Variants in MROH7 observed in about 807,000 individuals in gnomAD.
MROH7 encodes maestro heat like repeat family member 7, also known as maestro heat-like repeat-containing protein family member 7.
Under a neutral mutation model 129.2 loss-of-function variants are expected in MROH7, and 113 were observed. That is an observed-to-expected ratio of 0.87 (90% CI 0.75 to 1.02). The LOEUF (loss-of-function observed/expected upper bound fraction) is 1.02, where lower values mean the gene tolerates loss of function less well. Ranked by LOEUF, MROH7 falls within the 50% of genes least tolerant of loss-of-function variation. The pLI is 0.00. For missense variants in MROH7, 1,601 were observed against 1,671.3 expected (o/e 0.96, Z 0.73); for synonymous variants, 655 against 667.9 (o/e 0.98, Z 0.30).
rs147178197 is a variant in MROH7 at position 54,654,172 on chromosome 1, G to A, written c.1231+15G>A. The A allele has an allele frequency of 6.7e-4, 1,062 of 1,585,176 alleles. 9 individuals are homozygous for A. In the African/African-American group the frequency reaches 0.013, roughly 20 times the overall value. On this transcript the variant is annotated intron_variant, in intron 3 of 23. Coordinates refer to ENST00000421030, the MANE Select transcript of MROH7 (RefSeq NM_001039464.4). ...CATCCCTGAGGGTAAGGCCAGGGCC[G>A]CAGCCCTAGAGAGAGCACTGTCCTG... is the stretch of plus-strand genomic sequence containing the variant.
intron 3 of MROH7, chr1:54,663,943 A>C (rs974431168): frequency 1.5e-5 from 5 of 323,798 alleles, no homozygotes; most frequent in Non-Finnish European, 3.0e-5. Flanking sequence ...CGAGAATCTG[A>C]AGTTCCAGGT....
intron 1 of MROH7, among the ~76,000 whole-genome samples, chr1:54,649,671 T>G (rs1278325897): frequency 2.6e-5 from 4 of 152,252 alleles, no homozygotes; most frequent in Non-Finnish European, 5.9e-5. Flanking sequence ...TCTTAATCAC[T>G]GCCTCGTAGG....
intron 17 of MROH7, among the ~76,000 whole-genome samples, chr1:54,696,280 C>T (rs1645320394): frequency 6.6e-6 from 1 of 152,026 alleles, no homozygotes; most frequent in Non-Finnish European, 1.5e-5. Context: ...GGCTCTAAAA[C>T]CCTCCCCTTT....
In MROH7 at chr1:54,670,789, C is replaced by T; in HGVS notation, c.1470-11C>T. 1 of 1,613,272 alleles carries T rather than the reference C, an allele frequency of 6.2e-7. No individual in the cohort carries two copies. The highest frequency in any genetic ancestry group is 8.5e-7 in the Non-Finnish European group (1 of 1,179,670). Reference sequence around the variant, plus strand: ...CTCACTCCATTTCTTTGCTTTCTGCCTCTTCTCCAGCCACACCCAGCCCAC... The same window carrying T: ...CTCACTCCATTTCTTTGCTTTCTGCTTCTTCTCCAGCCACACCCAGCCCAC... On this transcript the variant is annotated splice_polypyrimidine_tract_variant and intron_variant, in intron 6 of 23. Transcript: ENST00000421030.
intron 1 of MROH7, among the ~76,000 whole-genome samples, chr1:54,644,348 C>T (rs1162253226): frequency 6.6e-6 from 1 of 150,574 alleles, no homozygotes; most frequent in African/African-American, 2.4e-5. Context: ...CCTTCCCTTC[C>T]CTTCCCTTTC....
intron 17 of MROH7, chr1:54,699,106 C>CTTTCTTTCTTTCTTTCTTTCTTTCTT: frequency 1.6e-5 from 1 of 62,130 alleles, no homozygotes; most frequent in South Asian, 6.4e-4. Flanking sequence ...TTCTTTCTTT[C>CTTTCTTTCTTTCTTTCTTTCTTTCTT]TTTCTTTCTT....
At chr1:54,648,435 G>T (rs1192780300) in intron 1 of MROH7, among the ~76,000 whole-genome samples, 3 of 151,420 alleles carry the variant, frequency 2.0e-5, no homozygotes, top group African/African-American at 2.4e-5. Flanking sequence ...GCGCAATCTC[G>T]GCTCACTGCA....
chr1:54,709,961 G>T lies in MROH7; in HGVS notation c.3746G>T (p.Arg1249Ile), dbSNP rs1645597030. The T allele has an allele frequency of 5.6e-6, 9 of 1,612,932 alleles. No homozygotes were observed. Among genetic ancestry groups the T allele is most frequent in the Non-Finnish European group, 7.6e-6 (9 of 1,179,122 alleles). ...NEVKAALDNL[R>I]HDPEASVCIY... ...CATGACGCAGCTCTGGATAACTTGA[G>T]ACATGACCCAGAAGCATCAGTGTGC... Residue 1249 changes from arginine (R) to isoleucine (I), a missense_variant, in exon 24 of 24, where the codon AGA becomes ATA. Physicochemically the swap from Arg to Ile is moderately conservative, Grantham distance 97 (BLOSUM62 -3). Coordinates refer to ENST00000421030, the MANE Select transcript of MROH7 (RefSeq NM_001039464.4).
intron 3 of MROH7, among the ~76,000 whole-genome samples, chr1:54,661,799 T>C (rs1644736219): frequency 6.6e-6 from 1 of 152,046 alleles, no homozygotes; most frequent in Admixed American, 6.5e-5. Flanking sequence ...TTTCGCCACA[T>C]TGGCTAGGCT....
rs201763035 is a variant in MROH7 at position 54,673,046 on chromosome 1, C to T, written c.1600-45C>T. ...CCAGGGGCCGCCTGGGGCTGGTGTC[C>T]GCTCCAGAGGTGCCTTAGTGGCTTG... is the stretch of plus-strand genomic sequence containing the variant. On this transcript the variant is annotated intron_variant, in intron 7 of 23. Coordinates refer to ENST00000421030, the MANE Select transcript of MROH7 (RefSeq NM_001039464.4). 6,033 of 1,470,572 alleles carry T rather than the reference C, an allele frequency of 4.1e-3. 31 individuals carry two copies. Among genetic ancestry groups the T allele is most frequent in the Middle Eastern group, 0.01 (56 of 5,492 alleles). The allele number at this position is 1,470,572 out of a possible 1,614,324, so 91.1% of individuals were successfully genotyped here. A position where few individuals can be genotyped will look rare whatever the true frequency, so the allele number is the denominator to read the frequency against.
rs75404182 is a variant in MROH7, at chr1:54,643,677, A to G, written c.-110+1709A>G. On this transcript the variant is annotated intron_variant, in intron 1 of 23. Transcript: ENST00000421030. ...GAGGCTTGGGAATCTATCTTTTAAA[A>G]AATATAAGCTACACCCACACCCCAA... Among the ~76,000 whole-genome samples the G allele has an allele frequency of 2.4e-3, 362 of 152,322 alleles. 12 individuals carry two copies. In the East Asian group the frequency reaches 0.065, roughly 27 times the overall value.
chr1:54,679,814 TCTC>T (rs1645040322), intron 12 of MROH7, 74 bp from the exon 13 acceptor site: 37 of 1,427,976 alleles, frequency 2.6e-5, no homozygotes, highest in Non-Finnish European at 3.6e-5. Flanking sequence ...CCCCCTTCCC[TCTC>T]CTCCCACCTT....
At chr1:54,708,914 T>C in intron 22 of MROH7, 100 bp from the exon 23 acceptor site, 2 of 993,610 alleles carry the variant, frequency 2.0e-6, no homozygotes, top group Non-Finnish European at 3.2e-6. Flanking sequence ...GGCTGGAGGA[T>C]AATGGGAAAA....
chr1:54,680,103 C>T, intron 13 of MROH7, 58 bp downstream of exon 13: 1 of 1,567,478 alleles, frequency 6.4e-7, no homozygotes, highest in South Asian at 1.1e-5. Context: ...CAGCCCCCAC[C>T]CCAGGTTGGG....
At chr1:54,702,007 T>A (rs1645444067) in intron 19 of MROH7, 83 bp from the exon 20 acceptor site, 2 of 1,240,298 alleles carry the variant, frequency 1.6e-6, no homozygotes, top group South Asian at 1.8e-5. Context: ...TAGGCTTGAG[T>A]GAGAGGAACA....
intron 21 of MROH7, 85 bp from the exon 22 acceptor site, chr1:54,706,350 G>C: frequency 2.1e-6 from 2 of 971,522 alleles, no homozygotes; most frequent in South Asian, 2.7e-5. Context: ...GGGGGTGAGG[G>C]TCACCATTCC....
chr1:54,678,729 T>G lies in MROH7; in HGVS notation c.1937-13T>G. 1.3e-6 allele frequency: 2 copies of G among 1,595,078 alleles called. No individual in the cohort carries two copies. Among genetic ancestry groups the G allele is most frequent in the South Asian group, 2.2e-5 (2 of 90,630 alleles). ...GGAGATCCGGCCTCACTGAGAAGGT[T>G]CTCATCTTGCAGGAGCCAGAGATAA... On this transcript the variant is annotated splice_polypyrimidine_tract_variant and intron_variant, in intron 10 of 23. Transcript: ENST00000421030.
chr1:54,667,056 T>A (rs1043798721), intron 4 of MROH7, among the ~76,000 whole-genome samples: 1 of 152,182 alleles, frequency 6.6e-6, no homozygotes, highest in Non-Finnish European at 1.5e-5. Context: ...ACACATTTAA[T>A]TGAGCCTCTA....
Position 54,692,540 on chromosome 1 carries a change from G to T in MROH7, c.2828G>T (p.Arg943Leu), listed in dbSNP as rs772933221. ...ELMEQVESHH[R>L]GVALLARAMV... ...ATGGAGCAGGTGGAGAGCCACCACC[G>T]CGGAGTGGCCTTGCTGGCAAGGTGA... Residue 943 changes from arginine to leucine, a missense_variant, in exon 16 of 24, where the codon CGC (arginine) becomes CTC (leucine). Transcript: ENST00000421030. The T allele has an allele frequency of 6.2e-7, 1 of 1,613,568 alleles. No individual in the cohort carries two copies. The highest frequency in any genetic ancestry group is 8.5e-7 in the Non-Finnish European group (1 of 1,179,976).
Sources: gnomAD v4.1 joint callset for allele counts (sites outside exome capture counted in the v4.1 genomes callset) on GRCh38, gnomAD v4.1.1 for gene constraint, MANE v1.5 for transcripts, NCBI Gene and HGNC (gene_info 2026-07-23, HGNC 2026-07-21) for gene names.